The following LINC00632 variants were observed in gnomAD, a reference collection of about 807,000 sequenced individuals.
The protein encoded by LINC00632 is ALDOA related specific transcript.
At chrX:140,712,845 G>C (rs1301496298) in intron 2 of LINC00632, among the ~76,000 whole-genome samples, 2 of 103,031 alleles carry the variant, frequency 1.9e-5, no homozygotes, top group Non-Finnish European at 4.0e-5. Flanking sequence ...TAGCTTTACT[G>C]ATTCTGGGGG....
exon 5 of LINC00632, among the ~76,000 whole-genome samples, chrX:140,779,813 G>C (rs192562836): frequency 1.8e-5 from 2 of 111,787 alleles, no homozygotes; most frequent in East Asian, 5.6e-4. Context: ...TGACTACTTG[G>C]CAGTGGTATG....
In LINC00632 at chrX:140,763,421, A is replaced by C. The variant is rs1041277840; in HGVS notation, n.192-8657A>C. ...CTGTCTCAAAAAAAAAAAAAAAAAA[A>C]ATTCTAGTAGTTGGTGCATTGTTCT... On this transcript the variant is annotated intron_variant and non_coding_transcript_variant, in intron 3 of 4. Transcript: ENST00000648200. Among the ~76,000 whole-genome samples, 37 of 85,859 alleles carry C rather than the reference A, an allele frequency of 4.3e-4. No homozygotes were observed. The East Asian group carries it at 0.013, about 30-fold the overall frequency. The allele number at this position is 85,859 out of a possible 115,157, so 74.6% of individuals were successfully genotyped here.
At chrX:140,717,267 G>A (rs1020075726) in intron 2 of LINC00632, among the ~76,000 whole-genome samples, 3 of 110,220 alleles carry the variant, frequency 2.7e-5, no homozygotes, top group Non-Finnish European at 3.8e-5. Flanking sequence ...AGGCGTGAGC[G>A]ACCGCCCCTG....
chrX:140,730,322 T>C (rs991524862), intron 2 of LINC00632, among the ~76,000 whole-genome samples: 1 of 111,021 alleles, frequency 9.0e-6, no homozygotes, highest in African/African-American at 3.3e-5. Context: ...CATCACCCAC[T>C]TTCCTATCAG....
chrX:140,746,635 TTC>T (rs1931330511), intron 3 of LINC00632, among the ~76,000 whole-genome samples: 1 of 112,098 alleles, frequency 8.9e-6, no homozygotes, highest in Non-Finnish European at 1.9e-5. Context: ...TAATCAACAC[TTC>T]ATACAAGGGC....
chrX:140,719,939 T>C (rs1397382742), intron 2 of LINC00632, among the ~76,000 whole-genome samples: 1 of 109,229 alleles, frequency 9.2e-6, no homozygotes, highest in Non-Finnish European at 1.9e-5. Flanking sequence ...AATACAAAAA[T>C]TAGCCGGGCA....
At chrX:140,759,351 TTC>T (rs1479620958) in intron 3 of LINC00632, among the ~76,000 whole-genome samples, 2 of 94,141 alleles carry the variant, frequency 2.1e-5, no homozygotes, top group African/African-American at 8.1e-5. Flanking sequence ...CTTCCTTTCT[TTC>T]TTTCTTTCTT....
chrX:140,759,748 C>G (rs1308062157), intron 3 of LINC00632, among the ~76,000 whole-genome samples: 1 of 111,321 alleles, frequency 9.0e-6, no homozygotes, highest in Non-Finnish European at 1.9e-5. Flanking sequence ...TTTATTGAGT[C>G]TATTTACTGG....
At chrX:140,724,119 C>T (rs1930844821) in intron 2 of LINC00632, among the ~76,000 whole-genome samples, 1 of 102,805 alleles carries the variant, frequency 9.7e-6, no homozygotes, top group Non-Finnish European at 2.0e-5. Flanking sequence ...TATACACACA[C>T]ACATTCCATA....
At chrX:140,744,566 T>G (rs1290646089) in intron 3 of LINC00632, among the ~76,000 whole-genome samples, 2 of 19,123 alleles carry the variant, frequency 1.0e-4, no homozygotes, top group Non-Finnish European at 1.9e-4. Flanking sequence ...GAGCTTTTTT[T>G]TGGGGGGGGG....
At chrX:140,774,588 C>T (rs1004317959) in exon 5 of LINC00632, among the ~76,000 whole-genome samples, 3 of 111,354 alleles carry the variant, frequency 2.7e-5, no homozygotes, top group Non-Finnish European at 3.8e-5. Context: ...TCTCTTCAGA[C>T]GAAATGCAAT....
At chrX:140,715,117 T>C (rs923237199) in intron 2 of LINC00632, among the ~76,000 whole-genome samples, 2 of 111,442 alleles carry the variant, frequency 1.8e-5, no homozygotes, top group African/African-American at 6.5e-5. Flanking sequence ...AGACACCTAA[T>C]CTTTCTTTAA....
At chrX:140,725,193 A>G (rs1352402649) in intron 2 of LINC00632, among the ~76,000 whole-genome samples, 1 of 75,729 alleles carries the variant, frequency 1.3e-5, no homozygotes, top group Non-Finnish European at 2.7e-5. Context: ...CACATTCCAT[A>G]CACACACAAA....
chrX:140,767,171 T>C (rs1285728346), intron 3 of LINC00632, among the ~76,000 whole-genome samples: 1 of 111,598 alleles, frequency 9.0e-6, no homozygotes, highest in South Asian at 3.8e-4. Flanking sequence ...ATTGCATAGC[T>C]GTACATTTTG....
chrX:140,710,789 T>G, intron 1 of LINC00632, among the ~76,000 whole-genome samples: 1 of 111,200 alleles, frequency 9.0e-6, no homozygotes. Flanking sequence ...AAAATAAGAA[T>G]GAAAAAGCTT....
chrX:140,723,983 A>G (rs753716379), intron 2 of LINC00632, among the ~76,000 whole-genome samples: 1 of 111,993 alleles, frequency 8.9e-6, no homozygotes, highest in East Asian at 2.8e-4. Flanking sequence ...ATACACACAC[A>G]CATTCCATAC....
At chrX:140,723,664 T>C (rs987925315) in intron 2 of LINC00632, among the ~76,000 whole-genome samples, 2 of 845 alleles carry the variant, frequency 2.4e-3, no homozygotes, top group Non-Finnish European at 2.2e-3. Context: ...ACACATTCCA[T>C]ATACACACAT....
chrX:140,769,413 T>A (rs1931751717), intron 3 of LINC00632, among the ~76,000 whole-genome samples: 1 of 111,221 alleles, frequency 9.0e-6, no homozygotes, highest in African/African-American at 3.3e-5. Context: ...TATTTGCAAG[T>A]GGCAATTCTA....
At chrX:140,712,579 A>T (rs1405679418) in intron 2 of LINC00632, among the ~76,000 whole-genome samples, 1 of 110,098 alleles carries the variant, frequency 9.1e-6, no homozygotes, top group Non-Finnish European at 1.9e-5. Context: ...GTAGGGATTT[A>T]AAGGAGCTAG....
Sources: allele counts gnomAD v4.1 joint callset (sites outside exome capture counted in the v4.1 genomes callset), GRCh38; gene constraint gnomAD v4.1.1; transcripts MANE v1.5; gene names NCBI Gene and HGNC (gene_info 2026-07-23, HGNC 2026-07-21).